The following CNKSR2 variants were observed in gnomAD, a reference collection of about 807,000 sequenced individuals.
CNKSR2 encodes CNK homolog protein 2.
In CNKSR2, 14 loss-of-function variants were observed where a neutral mutation model predicts 84.4. That is an observed-to-expected ratio of 0.17 (90% confidence interval 0.11 to 0.26). The LOEUF is 0.26. Among genes scored for constraint, CNKSR2 ranks in the 10% least tolerant of loss-of-function variants. The probability of loss-of-function intolerance (pLI) is 1.00; values close to 1 mark genes in which losing one functional copy is unlikely to be tolerated. For missense variants in CNKSR2, 485 were observed against 771.2 expected (o/e 0.63, Z 4.40); for synonymous variants, 275 against 277.9 (o/e 0.99, Z 0.10).
chrX:21,583,136 A>T (rs188604955), intron 13 of CNKSR2, among the ~76,000 whole-genome samples: 24 of 111,175 alleles, frequency 2.2e-4, no homozygotes, highest in African/African-American at 6.5e-4. Flanking sequence ...ATAAAAGTTT[A>T]AAAAAAATCA....
At chrX:21,643,471 C>A (rs765760300) in intron 20 of CNKSR2, 1 of 111,696 alleles carries the variant, frequency 9.0e-6, no homozygotes, top group African/African-American at 3.2e-5. Flanking sequence ...CTTTATGGAG[C>A]AATATTTAGT....
intron 8 of CNKSR2, among the ~76,000 whole-genome samples, chrX:21,509,095 A>C (rs2091643668): frequency 8.9e-6 from 1 of 112,124 alleles, no homozygotes; most frequent in Non-Finnish European, 1.9e-5. Flanking sequence ...TAAATACTAC[A>C]TATTTATACA....
Position 21,558,809 on chromosome X carries a change from A to T in CNKSR2, c.1304-2662A>T, listed in dbSNP as rs774890872. On this transcript the variant is annotated intron_variant, in intron 11 of 21. Coordinates refer to ENST00000379510, the MANE Select transcript of CNKSR2 (RefSeq NM_014927.5). ...ACAACCAATTTTCAAAAAATATCTA[A>T]CTAGCTTTTTAATATATATAACATA... is the stretch of plus-strand genomic sequence containing the variant. Among the ~76,000 whole-genome samples the T allele has an allele frequency of 5.4e-5, 6 of 111,367 alleles. No individual in the cohort carries two copies. In the East Asian group the frequency reaches 1.7e-3, roughly 31 times the overall value.
intron 13 of CNKSR2, among the ~76,000 whole-genome samples, chrX:21,567,797 TGTG>T (rs1439984280): frequency 0.015 from 61 of 4,041 alleles, no homozygotes; most frequent in Admixed American, 0.022. Flanking sequence ...TTTTGTGTGG[TGTG>T]TGTGTGTGTG....
At chrX:21,479,962 G>A (rs746139108) in intron 5 of CNKSR2, among the ~76,000 whole-genome samples, 16 of 110,970 alleles carry the variant, frequency 1.4e-4, no homozygotes, top group East Asian at 8.5e-4. Context: ...CAGCACTACC[G>A]ATATCCCCAC....
intron 3 of CNKSR2, among the ~76,000 whole-genome samples, chrX:21,433,280 A>C (rs1424059285): frequency 9.0e-6 from 1 of 111,281 alleles, no homozygotes; most frequent in East Asian, 2.8e-4. Flanking sequence ...CTCTGTTATT[A>C]ATTACATTGT....
chrX:21,455,020 A>G (rs1403452549), intron 4 of CNKSR2, among the ~76,000 whole-genome samples: 2 of 111,975 alleles, frequency 1.8e-5, no homozygotes, highest in Non-Finnish European at 3.8e-5. Flanking sequence ...ATAGAGCAAT[A>G]TAGTTCTTTC....
chrX:21,421,431 G>T (rs140477426), intron 1 of CNKSR2, among the ~76,000 whole-genome samples: 1,480 of 109,051 alleles, frequency 0.014, 25 homozygotes, highest in African/African-American at 0.046. Context: ...TGTCCTTGCG[G>T]GGGGCTAGGG....
Position 21,490,552 on chromosome X carries a change from G to C in CNKSR2, c.655G>C (p.Ala219Pro). The C allele has an allele frequency of 8.3e-7, 1 of 1,208,606 alleles. No individual in the cohort carries two copies. The highest frequency in any genetic ancestry group is 1.1e-6 in the Non-Finnish European group (1 of 893,436). ...QSAHLEVIQLANIKPSEGLGM... is the reference protein window; with the variant it reads ...QSAHLEVIQLPNIKPSEGLGM... Reference sequence around the variant, plus strand: ...TGCTCACCTGGAAGTGATTCAACTGGCAAACATTAAACCAAGCGAAGGGCT... The same window carrying C: ...TGCTCACCTGGAAGTGATTCAACTGCCAAACATTAAACCAAGCGAAGGGCT... Residue 219 changes from alanine to proline, a missense_variant, in exon 6 of 22, where the codon GCA becomes CCA. Transcript: ENST00000379510.
At chrX:21,404,378 G>T (rs866730660) in intron 1 of CNKSR2, among the ~76,000 whole-genome samples, 1 of 111,372 alleles carries the variant, frequency 9.0e-6, no homozygotes. Context: ...GTTGTATCTT[G>T]CTTGGGAAGA....
intron 1 of CNKSR2, among the ~76,000 whole-genome samples, chrX:21,412,160 A>G (rs928736624): frequency 8.9e-6 from 1 of 111,785 alleles, no homozygotes; most frequent in African/African-American, 3.3e-5. Flanking sequence ...GAGATAAGCC[A>G]AGATTAGACG....
chrX:21,544,508 C>G (rs1365054743), intron 11 of CNKSR2, among the ~76,000 whole-genome samples: 2 of 111,216 alleles, frequency 1.8e-5, no homozygotes, highest in Non-Finnish European at 1.9e-5. Flanking sequence ...GAAATTAAAC[C>G]TAGGAAGAAA....
Position 21,516,637 on chromosome X carries a change from G to A in CNKSR2, c.957+6G>A, listed in dbSNP as rs1392573952. On this transcript the variant is annotated splice_donor_region_variant and intron_variant, in intron 9 of 21. Coordinates refer to ENST00000379510, the MANE Select transcript of CNKSR2 (RefSeq NM_014927.5). Reference sequence around the variant, plus strand: ...GGAAGCCCCTTGCTCTGCAGGTAATGAAGCTTAATCATAAGTCATACACCA... The same window carrying A: ...GGAAGCCCCTTGCTCTGCAGGTAATAAAGCTTAATCATAAGTCATACACCA... The A allele has an allele frequency of 1.7e-6, 2 of 1,200,236 alleles. No individual in the cohort carries two copies. Among genetic ancestry groups the A allele is most frequent in the Middle Eastern group, 2.4e-4 (1 of 4,109 alleles).
At chrX:21,479,160 G>T (rs1035056040) in intron 5 of CNKSR2, among the ~76,000 whole-genome samples, 7 of 111,380 alleles carry the variant, frequency 6.3e-5, no homozygotes, top group Non-Finnish European at 1.1e-4. Flanking sequence ...AGAACATGTG[G>T]TATTTGACTT....
At chrX:21,421,004 A>T (rs1433009669) in intron 1 of CNKSR2, among the ~76,000 whole-genome samples, 1 of 111,382 alleles carries the variant, frequency 9.0e-6, no homozygotes, top group Non-Finnish European at 1.9e-5. Context: ...TTATTTATTT[A>T]AATCCTCATA....
intron 20 of CNKSR2, among the ~76,000 whole-genome samples, chrX:21,613,776 C>T (rs1001028079): frequency 3.4e-4 from 38 of 110,959 alleles, no homozygotes; most frequent in African/African-American, 1.1e-3. Context: ...CCTGTCTCTA[C>T]GAAAAATACA....
chrX:21,472,025 T>C (rs945020763), intron 5 of CNKSR2, among the ~76,000 whole-genome samples: 1 of 112,003 alleles, frequency 8.9e-6, no homozygotes, highest in Non-Finnish European at 1.9e-5. Flanking sequence ...ACTATTCGGT[T>C]TGAACACAGA....
intron 20 of CNKSR2, among the ~76,000 whole-genome samples, chrX:21,622,766 G>A (rs902617289): frequency 9.0e-6 from 1 of 111,458 alleles, no homozygotes; most frequent in African/African-American, 3.2e-5. Flanking sequence ...TACATGTATT[G>A]ATCTCATTTT....
chrX:21,623,405 G>C (rs979234129), intron 20 of CNKSR2, among the ~76,000 whole-genome samples: 3 of 111,527 alleles, frequency 2.7e-5, no homozygotes, highest in African/African-American at 9.8e-5. Flanking sequence ...AATCTATCTA[G>C]TGCAAGATAC....
Sources: gnomAD v4.1 joint callset for allele counts (sites outside exome capture counted in the v4.1 genomes callset) on GRCh38, gnomAD v4.1.1 for gene constraint, MANE v1.5 for transcripts, NCBI Gene and HGNC (gene_info 2026-07-23, HGNC 2026-07-21) for gene names.